The following ELP4 variants were observed in gnomAD, a reference collection of about 807,000 sequenced individuals.
ELP4 encodes elongator complex protein 4.
A neutral mutation model predicts 48.9 loss-of-function variants in ELP4; 51 were observed. That is an observed-to-expected ratio of 1.04 (90% CI 0.83 to 1.32). The LOEUF (loss-of-function observed/expected upper bound fraction) is 1.32, where lower values mean the gene tolerates loss of function less well. Among genes scored for constraint, ELP4 ranks in the 40% most tolerant of loss-of-function variants. The probability of loss-of-function intolerance (pLI) is 0.00; values close to 1 mark genes in which losing one functional copy is unlikely to be tolerated. For missense variants in ELP4, 519 were observed against 514.6 expected (o/e 1.01, Z -0.08); for synonymous variants, 210 against 189.2 (o/e 1.11, Z -0.90).
intron 3 of ELP4, among the ~76,000 whole-genome samples, chr11:31,564,592 T>G (rs896433533): frequency 6.6e-6 from 1 of 152,102 alleles, no homozygotes; most frequent in South Asian, 2.1e-4. Flanking sequence ...AGTGTTCTCA[T>G]TGTTCAATTC....
intron 3 of ELP4, among the ~76,000 whole-genome samples, chr11:31,588,180 T>G (rs1236556888): frequency 1.3e-5 from 2 of 152,190 alleles, no homozygotes; most frequent in African/African-American, 4.8e-5. Flanking sequence ...CATATCAATC[T>G]TATTCTTTTT....
chr11:31,542,816 G>A (rs1216099690), intron 3 of ELP4, among the ~76,000 whole-genome samples: 1 of 151,898 alleles, frequency 6.6e-6, no homozygotes, highest in Non-Finnish European at 1.5e-5. Flanking sequence ...TTATAATAAG[G>A]AGAAAAATCA....
intron 5 of ELP4, among the ~76,000 whole-genome samples, chr11:31,608,238 G>T (rs1592154733): frequency 6.6e-6 from 1 of 151,974 alleles, no homozygotes; most frequent in Admixed American, 6.6e-5. Flanking sequence ...TGTTGGAGGG[G>T]ATGAGGGAGA....
chr11:31,524,269 G>A (rs898706490), intron 2 of ELP4, among the ~76,000 whole-genome samples: 1 of 152,178 alleles, frequency 6.6e-6, no homozygotes, highest in East Asian at 1.9e-4. Context: ...CTACAATATA[G>A]GTGTCAGCCA....
At chr11:31,516,738 C>T (rs899864787) in intron 1 of ELP4, among the ~76,000 whole-genome samples, 7 of 152,174 alleles carry the variant, frequency 4.6e-5, no homozygotes, top group Non-Finnish European at 7.3e-5. Flanking sequence ...GTGATCTGCT[C>T]ACCTTGGCCT....
intron 3 of ELP4, among the ~76,000 whole-genome samples, chr11:31,556,690 G>A (rs1285612870): frequency 6.6e-6 from 1 of 151,826 alleles, no homozygotes; most frequent in African/African-American, 2.4e-5. Flanking sequence ...GCAGGAAGAA[G>A]TATCTAAGAT....
chr11:31,775,379 C>T (rs942084022), intron 9 of ELP4, among the ~76,000 whole-genome samples: 2 of 152,136 alleles, frequency 1.3e-5, no homozygotes, highest in African/African-American at 4.8e-5. Flanking sequence ...AAAACTGTAT[C>T]CCCCACAAAT....
intron 5 of ELP4, among the ~76,000 whole-genome samples, chr11:31,614,039 G>A (rs1232110460): frequency 6.6e-6 from 1 of 151,862 alleles, no homozygotes; most frequent in African/African-American, 2.4e-5. Context: ...TTATAACAAG[G>A]GAAGGGATTT....
intron 2 of ELP4, among the ~76,000 whole-genome samples, chr11:31,537,999 C>A (rs1158680120): frequency 6.6e-6 from 1 of 152,064 alleles, no homozygotes; most frequent in East Asian, 1.9e-4. Flanking sequence ...CATGATATAT[C>A]TCTCCATTTA....
At chr11:31,681,730 A>C (rs1210938286) in intron 9 of ELP4, 1 of 166,076 alleles carries the variant, frequency 6.0e-6, no homozygotes, top group Non-Finnish European at 1.3e-5. Context: ...ACAGGGCTTT[A>C]TATTTCTTTC....
At chr11:31,659,199 G>T (rs970175358) in intron 9 of ELP4, among the ~76,000 whole-genome samples, 1 of 152,028 alleles carries the variant, frequency 6.6e-6, no homozygotes, top group Non-Finnish European at 1.5e-5. Flanking sequence ...TCTTACTTAA[G>T]TAGAAATTAA....
chr11:31,562,761 G>A (rs1299552407), intron 3 of ELP4, among the ~76,000 whole-genome samples: 1 of 151,882 alleles, frequency 6.6e-6, no homozygotes, highest in African/African-American at 2.4e-5. Flanking sequence ...CACTAATACT[G>A]GTTTTAAAAT....
chr11:31,660,040 A>T (rs1334136063), intron 9 of ELP4, among the ~76,000 whole-genome samples: 3 of 152,214 alleles, frequency 2.0e-5, no homozygotes, highest in Non-Finnish European at 2.9e-5. Context: ...TCCAAAGGCT[A>T]TTAAAAGCAA....
chr11:31,615,503 C>T (rs6484516), intron 5 of ELP4, among the ~76,000 whole-genome samples: 92,829 of 151,832 alleles, frequency 0.61, 32,228 homozygotes, highest in Non-Finnish European at 0.77. Flanking sequence ...TTATAAGAAA[C>T]GTATTTTTAT....
At chr11:31,546,081 G>A (rs991384923) in intron 3 of ELP4, among the ~76,000 whole-genome samples, 5 of 151,430 alleles carry the variant, frequency 3.3e-5, no homozygotes, top group African/African-American at 7.3e-5. Context: ...ATCAACTAAC[G>A]AGCAAAATAA....
chr11:31,752,541 T>C (rs1360709595), intron 9 of ELP4, among the ~76,000 whole-genome samples: 1 of 152,098 alleles, frequency 6.6e-6, no homozygotes, highest in Non-Finnish European at 1.5e-5. Flanking sequence ...GCAAGTATTA[T>C]AAAAACTGGA....
intron 9 of ELP4, chr11:31,664,428 T>G (rs1051804779): frequency 6.6e-6 from 1 of 152,170 alleles, no homozygotes; most frequent in Non-Finnish European, 1.5e-5. Context: ...AGGACATTCT[T>G]TTTGTGGATA....
chr11:31,559,460 A>G (rs1257818468), intron 3 of ELP4, among the ~76,000 whole-genome samples: 6 of 152,238 alleles, frequency 3.9e-5, no homozygotes, highest in Non-Finnish European at 7.3e-5. Context: ...ATATTAAACT[A>G]AGAATAGATT....
intron 9 of ELP4, chr11:31,650,678 AT>A (rs1945301735): frequency 6.6e-6 from 1 of 152,222 alleles, no homozygotes; most frequent in African/African-American, 2.4e-5. Context: ...ACAAATTATA[AT>A]TTACACTAGT....
Sources: gnomAD v4.1 joint callset for allele counts (sites outside exome capture counted in the v4.1 genomes callset) on GRCh38, gnomAD v4.1.1 for gene constraint, MANE v1.5 for transcripts, NCBI Gene and HGNC (gene_info 2026-07-23, HGNC 2026-07-21) for gene names.